Variants in GRIN2B observed in about 807,000 individuals in gnomAD.
GRIN2B encodes the protein glutamate receptor ionotropic, NMDA 2B.
A neutral mutation model predicts 114.5 loss-of-function variants in GRIN2B; 5 were observed. The ratio of observed to expected loss-of-function variants is 0.04; its 90% CI spans 0.02 to 0.09. The LOEUF (loss-of-function observed/expected upper bound fraction) is 0.09, where lower values mean the gene tolerates loss of function less well. GRIN2B is among the 10% of genes least tolerant of loss of function. GRIN2B has a pLI of 1.00. For synonymous variants in GRIN2B, 787 were observed against 745.1 expected, an observed-to-expected ratio of 1.06 and a Z score of -0.92; for missense variants, 1,108 against 1,943.5, an observed-to-expected ratio of 0.57 and a Z score of 8.08.
At chr12:13,912,151 G>A (rs1866636547) in intron 2 of GRIN2B, among the ~76,000 whole-genome samples, 2 of 152,062 alleles carry the variant, frequency 1.3e-5, no homozygotes, top group Non-Finnish European at 2.9e-5. Flanking sequence ...AGCATGGGGC[G>A]CTCATTAAGA....
In GRIN2B at chr12:13,563,983, A is replaced by G; in HGVS notation, c.3255T>C (p.Tyr1085=). The change falls in exon 14 of 14, where the codon TAT becomes TAC. Residue 1085 remains tyrosine, a synonymous_variant. Transcript: ENST00000609686. ...GNAAKRRKQQ[Y]KDSLKKRPAS... The stretch of plus-strand genomic sequence containing the variant: ...CAGGCCGCTTCTTCAGGCTGTCCTT[A>G]TATTGCTGCTTACGCCTCTTGGCGG... 1 of 1,614,076 alleles carries G rather than the reference A, an allele frequency of 6.2e-7. No homozygotes were observed. The highest frequency in any genetic ancestry group is 2.2e-5 in the East Asian group (1 of 44,874).
rs1348369091 is a variant in GRIN2B, at chr12:13,883,984, T to C, written c.-18-17758A>G. Among the ~76,000 whole-genome samples the C allele has an allele frequency of 2.0e-5, 3 of 152,152 alleles. No homozygotes were observed. The East Asian group carries it at 5.8e-4, about 29-fold the overall frequency. ...CACTTTACATGGCACAAGCTATGAG[T>C]CGAGGTTCATTTAGGGCTGTATGTA... On this transcript the variant is annotated intron_variant, in intron 2 of 13. Transcript: ENST00000609686.
intron 4 of GRIN2B, among the ~76,000 whole-genome samples, chr12:13,730,369 T>C (rs1395869753): frequency 6.6e-6 from 1 of 152,158 alleles, no homozygotes; most frequent in Non-Finnish European, 1.5e-5. Flanking sequence ...TAGATACTAA[T>C]AACCAAACAA....
rs1948589864 is a variant in GRIN2B, at chr12:13,563,778, T to A, written c.3460A>T (p.Ile1154Phe). The A allele has an allele frequency of 6.2e-7, 1 of 1,614,104 alleles. No homozygotes were observed. Among genetic ancestry groups the A allele is most frequent in the Non-Finnish European group, 8.5e-7 (1 of 1,180,034 alleles). Reference protein sequence around the residue: ...PHWEHVDLTDIYKERSDDFKR... With the variant: ...PHWEHVDLTDFYKERSDDFKR... Reference sequence around the variant, plus strand: ...AAGTCATCACTCCGCTCCTTGTAGATGTCGGTCAGGTCTACGTGCTCCCAG... The same window carrying A: ...AAGTCATCACTCCGCTCCTTGTAGAAGTCGGTCAGGTCTACGTGCTCCCAG... The change falls in exon 14 of 14, where the codon ATC (isoleucine) becomes TTC (phenylalanine). Residue 1154 changes from isoleucine to phenylalanine, a missense_variant. Coordinates refer to ENST00000609686, the MANE Select transcript of GRIN2B (RefSeq NM_000834.5).
intron 2 of GRIN2B, among the ~76,000 whole-genome samples, chr12:13,873,128 A>G (rs984147533): frequency 2.6e-5 from 4 of 152,216 alleles, no homozygotes; most frequent in African/African-American, 9.6e-5. Flanking sequence ...CAGATCCAAA[A>G]TAATTTTTAA....
intron 4 of GRIN2B, among the ~76,000 whole-genome samples, chr12:13,699,474 GAT>G (rs1018213864): frequency 2.6e-5 from 4 of 152,022 alleles, no homozygotes; most frequent in African/African-American, 9.6e-5. Context: ...TCTGAAAAAA[GAT>G]AGGGTTGGCA....
intron 4 of GRIN2B, among the ~76,000 whole-genome samples, chr12:13,692,851 G>C (rs564744004): frequency 7.5e-6 from 1 of 133,204 alleles, no homozygotes; most frequent in East Asian, 2.2e-4. Context: ...TCACTGCAAC[G>C]TCCACCTCCT....
At chr12:13,975,491 A>G (rs2058909) in intron 2 of GRIN2B, among the ~76,000 whole-genome samples, 134,975 of 152,230 alleles carry the variant, frequency 0.89, 60,690 homozygotes, top group Middle Eastern at 0.97. Context: ...CTGGATCTCA[A>G]TTTCTTTATT....
chr12:13,841,915 T>C (rs899941438), intron 3 of GRIN2B, among the ~76,000 whole-genome samples: 1 of 152,098 alleles, frequency 6.6e-6, no homozygotes, highest in Admixed American at 6.6e-5. Context: ...AAAGTCGAAA[T>C]TGGAAAAATA....
At chr12:13,602,241 T>C (rs1026576851) in intron 10 of GRIN2B, among the ~76,000 whole-genome samples, 20 of 152,242 alleles carry the variant, frequency 1.3e-4, no homozygotes, top group Non-Finnish European at 2.9e-5. Flanking sequence ...GAAGAATAGT[T>C]GCCTGACAGG....
chr12:13,807,976 A>C (rs1864641718), intron 3 of GRIN2B, among the ~76,000 whole-genome samples: 1 of 152,138 alleles, frequency 6.6e-6, no homozygotes, highest in Admixed American at 6.5e-5. Context: ...CTTTTGACCT[A>C]GAGACAAAGG....
At chr12:13,867,470 G>A (rs559677575) in intron 2 of GRIN2B, among the ~76,000 whole-genome samples, 18 of 152,156 alleles carry the variant, frequency 1.2e-4, no homozygotes, top group Middle Eastern at 3.4e-3. Context: ...TTCAGGTGAT[G>A]GCTACACTAA....
At chr12:13,856,980 A>G (rs2284428) in intron 3 of GRIN2B, among the ~76,000 whole-genome samples, 21,452 of 152,184 alleles carry the variant, frequency 0.14, 1,654 homozygotes, top group South Asian at 0.19. Context: ...ATCTGTGACA[A>G]ATCTAATTAC....
At chr12:13,583,098 T>C (rs1805470) in intron 10 of GRIN2B, among the ~76,000 whole-genome samples, 37,186 of 152,094 alleles carry the variant, frequency 0.24, 6,976 homozygotes, top group African/African-American at 0.53. Context: ...TTTTAAGTGT[T>C]TGGCAAAGTC....
chr12:13,653,024 T>C (rs1949830429), intron 5 of GRIN2B, among the ~76,000 whole-genome samples: 2 of 152,240 alleles, frequency 1.3e-5, no homozygotes, highest in Admixed American at 6.5e-5. Flanking sequence ...CATCTGACAC[T>C]GTGTGAAGGA....
chr12:13,689,368 G>A (rs1363088977), intron 4 of GRIN2B, among the ~76,000 whole-genome samples: 1 of 152,188 alleles, frequency 6.6e-6, no homozygotes, highest in Non-Finnish European at 1.5e-5. Context: ...TAGGCACTCA[G>A]TAAATATTAA....
chr12:13,761,425 T>C lies in GRIN2B; in HGVS notation c.412-7510A>G, dbSNP rs1413709191. Among the ~76,000 whole-genome samples, 3 of 152,170 alleles carry C rather than the reference T, an allele frequency of 2.0e-5. No homozygotes were observed. The East Asian group carries it at 5.8e-4, about 29-fold the overall frequency. ...ATATTCTAGGTCACAGAGACAACTTTATAGCCAGAAGAAAACAACAGGAAG... is the reference window on the plus strand; with the variant it reads ...ATATTCTAGGTCACAGAGACAACTTCATAGCCAGAAGAAAACAACAGGAAG... On this transcript the variant is annotated intron_variant, in intron 3 of 13. Coordinates refer to ENST00000609686, the MANE Select transcript of GRIN2B (RefSeq NM_000834.5).
chr12:13,719,618 C>T (rs1381624508), intron 4 of GRIN2B, among the ~76,000 whole-genome samples: 3 of 152,034 alleles, frequency 2.0e-5, no homozygotes, highest in Non-Finnish European at 4.4e-5. Context: ...GCCAACATTT[C>T]TGTTCACTGA....
At chr12:13,892,550 G>C (rs991925688) in intron 2 of GRIN2B, among the ~76,000 whole-genome samples, 1 of 152,146 alleles carries the variant, frequency 6.6e-6, no homozygotes, top group Admixed American at 6.5e-5. Flanking sequence ...GAAACAGGGC[G>C]CAGGCCAGAA....
Sources: gnomAD v4.1 joint callset for allele counts (sites outside exome capture counted in the v4.1 genomes callset) on GRCh38, gnomAD v4.1.1 for gene constraint, MANE v1.5 for transcripts, NCBI Gene and HGNC (gene_info 2026-07-23, HGNC 2026-07-21) for gene names.